The following PRKN variants were observed in gnomAD, a reference collection of about 807,000 sequenced individuals.
PRKN encodes the protein E3 ubiquitin-protein ligase parkin.
In PRKN, 56 loss-of-function variants were observed where a neutral mutation model predicts 59.5. The ratio of observed to expected loss-of-function variants is 0.94; its 90% CI spans 0.76 to 1.18. The LOEUF (loss-of-function observed/expected upper bound fraction) is 1.18, where lower values mean the gene tolerates loss of function less well. PRKN is among the 50% of genes most tolerant of loss of function. The pLI, the probability that PRKN is intolerant of heterozygous loss-of-function variation, is 0.00. For missense variants in PRKN, 657 were observed against 596.4 expected, an observed-to-expected ratio of 1.10 and a Z score of -1.06; for synonymous variants, 250 against 222.1, an observed-to-expected ratio of 1.13 and a Z score of -1.12.
chr6:161,356,688 G>A lies in PRKN; in HGVS notation c.1285+3400C>T, dbSNP rs73021251. Among the ~76,000 whole-genome samples, 10,191 of 152,148 alleles carry A rather than the reference G, an allele frequency of 0.067. 485 individuals carry two copies. The highest frequency in any genetic ancestry group is 0.1 in the Non-Finnish European group (6,896 of 67,984). On this transcript the variant is annotated intron_variant, in intron 11 of 11. Coordinates refer to ENST00000366898, the MANE Select transcript of PRKN (RefSeq NM_004562.3). This position sits in a 1 kb window ranked among gnomAD's most constrained non-coding sequence, Gnocchi z 7.8. ...AATGAAGGATGAGCTTTAGCTTAGCGGCTTGAGGAACTGGGCGGTGCTGTT... is the reference window on the plus strand; with the variant it reads ...AATGAAGGATGAGCTTTAGCTTAGCAGCTTGAGGAACTGGGCGGTGCTGTT...
intron 6 of PRKN, among the ~76,000 whole-genome samples, chr6:161,885,830 G>A (rs1795128510): frequency 6.6e-6 from 1 of 152,170 alleles, no homozygotes; most frequent in Non-Finnish European, 1.5e-5. Context: ...TCACTGTGCA[G>A]GTGGACACTG....
intron 7 of PRKN, among the ~76,000 whole-genome samples, chr6:161,743,225 T>TG (rs1280157093): frequency 0.031 from 3,782 of 123,328 alleles, 289 homozygotes; most frequent in African/African-American, 0.11. Flanking sequence ...TTTTTTTTTT[T>TG]TTTTTTTTTT....
intron 6 of PRKN, among the ~76,000 whole-genome samples, chr6:161,943,953 T>TCAGCCTTGAGGAAGCAGCCAGAGGAAG (rs1562407369): frequency 4.2e-5 from 3 of 71,680 alleles, no homozygotes; most frequent in African/African-American, 2.0e-4. Context: ...GCCTGAGGGA[T>TCAGCCTTGAGGAAGCAGCCAGAGGAAG]CAGCCTTGAG....
chr6:162,395,827 T>C (rs1787447156), intron 2 of PRKN, among the ~76,000 whole-genome samples: 1 of 152,236 alleles, frequency 6.6e-6, no homozygotes, highest in Non-Finnish European at 1.5e-5. Context: ...TCTGTCTAGC[T>C]GAGCATACAT....
At chr6:162,414,832 A>T (rs67745844) in intron 2 of PRKN, among the ~76,000 whole-genome samples, 82,452 of 150,544 alleles carry the variant, frequency 0.55, 23,525 homozygotes, top group African/African-American at 0.7. Context: ...CTTAAAACTG[A>T]TTATCATTGA....
In PRKN at chr6:161,360,689, A is replaced by T. The variant is rs1000552510; in HGVS notation, c.1168-484T>A. ...TTTAAACTTTGCTCTACATCTTGTT[A>T]TCCTTCCTTGCACCTGGCAAATGGG... On this transcript the variant is annotated intron_variant, in intron 10 of 11. Coordinates refer to ENST00000366898, the MANE Select transcript of PRKN (RefSeq NM_004562.3). This position sits in a 1 kb window ranked among gnomAD's most constrained non-coding sequence, Gnocchi z 5.1. Among the ~76,000 whole-genome samples, 11 of 152,082 alleles carry T rather than the reference A, an allele frequency of 7.2e-5. No individual in the cohort carries two copies. Among genetic ancestry groups the T allele is most frequent in the African/African-American group, 2.7e-4 (11 of 41,442 alleles).
chr6:162,370,036 G>A (rs1009306679), intron 2 of PRKN, among the ~76,000 whole-genome samples: 2 of 152,122 alleles, frequency 1.3e-5, no homozygotes, highest in East Asian at 1.9e-4. Context: ...GGCCACCTAC[G>A]CTTTTTGAGT....
Position 161,857,191 on chromosome 6 carries a change from G to A in PRKN, c.735-71283C>T, listed in dbSNP as rs530898801. 2.1e-3 allele frequency among the ~76,000 whole-genome samples: 321 copies of A among 152,186 alleles called. 3 individuals are homozygous for A. Among genetic ancestry groups the A allele is most frequent in the African/African-American group, 7.2e-3 (298 of 41,516 alleles). On this transcript the variant is annotated intron_variant, in intron 6 of 11. Transcript: ENST00000366898. ...TTGCAGTGAGCCAAGATCGAACCAC[G>A]GAACTCCAGCCTGGGCGACAGAGTG... is the stretch of plus-strand genomic sequence containing the variant.
chr6:161,754,959 G>A (rs1486448666), intron 7 of PRKN, among the ~76,000 whole-genome samples: 1 of 152,174 alleles, frequency 6.6e-6, no homozygotes, highest in South Asian at 2.1e-4. Flanking sequence ...CACTCAGGGG[G>A]AGAAATAGTC....
chr6:162,678,170 T>G (rs1480450522), intron 1 of PRKN, among the ~76,000 whole-genome samples: 1 of 152,280 alleles, frequency 6.6e-6, no homozygotes, highest in African/African-American at 2.4e-5. Context: ...TTCCATTGTA[T>G]AGTATACACC....
At position 162,338,442 on chromosome 6, in the gene PRKN, C is replaced by T. The variant is rs1344710385; in HGVS notation, c.172-75677G>A. Among the ~76,000 whole-genome samples, 10 of 152,152 alleles carry T rather than the reference C, an allele frequency of 6.6e-5. 1 individual carries two copies. Among genetic ancestry groups the T allele is most frequent in the African/African-American group, 9.6e-5 (4 of 41,452 alleles). On this transcript the variant is annotated intron_variant, in intron 2 of 11. Coordinates refer to ENST00000366898, the MANE Select transcript of PRKN (RefSeq NM_004562.3). ...CATGCCTGACTGGTTTTGGTGGAGA[C>T]GGGGTTTTGCTGTGTTGGCCGGGCC... is the stretch of plus-strand genomic sequence containing the variant.
rs138498563 is a variant in PRKN, at chr6:161,596,317, T to A, written c.872-26901A>T. ...TGGTTGGAGGTTAAAAAAAAACACT[T>A]TTCTGGAAATAAAAGTTATTCACCA... is the stretch of plus-strand genomic sequence containing the variant. On this transcript the variant is annotated intron_variant, in intron 7 of 11. Transcript: ENST00000366898. Among the ~76,000 whole-genome samples the A allele has an allele frequency of 6.6e-5, 10 of 152,244 alleles. 1 individual carries two copies. The highest frequency in any genetic ancestry group is 6.5e-4 in the Admixed American group (10 of 15,286).
intron 2 of PRKN, among the ~76,000 whole-genome samples, chr6:162,392,456 T>C (rs1787250120): frequency 6.6e-6 from 1 of 152,180 alleles, no homozygotes; most frequent in Admixed American, 6.5e-5. Flanking sequence ...CTTCCTTTGA[T>C]GATACCATAA....
chr6:162,680,642 G>A lies in PRKN; in HGVS notation c.7+47020C>T, dbSNP rs1035842965. On this transcript the variant is annotated intron_variant, in intron 1 of 11. Coordinates refer to ENST00000366898, the MANE Select transcript of PRKN (RefSeq NM_004562.3). ...TTAATGCAAAAGATAAGATCATAAAGGCTTGTAAATCAATTTTTTTTAAAA... is the reference window on the plus strand; with the variant it reads ...TTAATGCAAAAGATAAGATCATAAAAGCTTGTAAATCAATTTTTTTTAAAA... Among the ~76,000 whole-genome samples the A allele has an allele frequency of 3.9e-5, 6 of 151,992 alleles. No homozygotes were observed. The East Asian group carries it at 1.2e-3, about 29-fold the overall frequency.
At position 161,461,057 on chromosome 6, in the gene PRKN, C is replaced by T. The variant is rs1790192882; in HGVS notation, c.1084-74180G>A. Among the ~76,000 whole-genome samples the T allele has an allele frequency of 6.6e-6, 1 of 152,026 alleles. No homozygotes were observed. The highest frequency in any genetic ancestry group is 6.6e-5 in the Admixed American group (1 of 15,250). On this transcript the variant is annotated intron_variant, in intron 9 of 11. Coordinates refer to ENST00000366898, the MANE Select transcript of PRKN (RefSeq NM_004562.3). The surrounding 1 kb of genome is among the most constrained non-coding windows in gnomAD (Gnocchi z 5.1). ...CAGGTGTGAGCCACCATGCCCGGTC[C>T]AAGAGTCATCTTTATCATAAGTACT...
At chr6:161,819,262 T>C (rs1791918981) in intron 6 of PRKN, among the ~76,000 whole-genome samples, 1 of 151,884 alleles carries the variant, frequency 6.6e-6, no homozygotes, top group African/African-American at 2.4e-5. Context: ...GAGGCTAAGG[T>C]GGGCAGATCG....
At chr6:162,353,066 A>G (rs1216452417) in intron 2 of PRKN, among the ~76,000 whole-genome samples, 3 of 152,164 alleles carry the variant, frequency 2.0e-5, no homozygotes, top group Non-Finnish European at 4.4e-5. Flanking sequence ...AGTTTTTCAC[A>G]CACCAATGTC....
intron 1 of PRKN, among the ~76,000 whole-genome samples, chr6:162,660,606 T>C (rs13218900): frequency 0.088 from 13,337 of 152,246 alleles, 724 homozygotes; most frequent in Middle Eastern, 0.18. Context: ...TGCATTCTAA[T>C]TATTTATCTA....
chr6:161,783,668 G>A (rs561701893), intron 7 of PRKN: 2 of 506,934 alleles, frequency 3.9e-6, no homozygotes, highest in East Asian at 1.1e-4. Context: ...TTGTGGCTTT[G>A]TGAAGGCAGA....
Sources: gnomAD v4.1 joint callset for allele counts (sites outside exome capture counted in the v4.1 genomes callset) on GRCh38, gnomAD v4.1.1 for gene constraint, Gnocchi (gnomAD v3.1) non-coding constraint, MANE v1.5 for transcripts, NCBI Gene and HGNC (gene_info 2026-07-23, HGNC 2026-07-21) for gene names.